VSNL1: variants seen among roughly 807,000 people sequenced by gnomAD.
VSNL1 encodes the protein visinin like 1, also known as visinin-like protein 1.
In VSNL1, 6 loss-of-function variants were observed where a neutral mutation model predicts 20.4. The observed-to-expected ratio is 0.29, with a 90% CI of 0.16 to 0.58. VSNL1 has a LOEUF of 0.58. Among genes scored for constraint, VSNL1 ranks in the 20% least tolerant of loss-of-function variants. The probability of loss-of-function intolerance (pLI) is 0.90; values close to 1 mark genes in which losing one functional copy is unlikely to be tolerated. For missense variants in VSNL1, 100 were observed against 234.5 expected (o/e 0.43, Z 3.75); for synonymous variants, 93 against 86.4 (o/e 1.08, Z -0.42).
At chr2:17,575,485 C>T (rs1295260962) in intron 1 of VSNL1, among the ~76,000 whole-genome samples, 2 of 152,116 alleles carry the variant, frequency 1.3e-5, no homozygotes, top group African/African-American at 4.8e-5. Flanking sequence ...TCAACCTTCT[C>T]AACCTTATAT....
intron 2 of VSNL1, among the ~76,000 whole-genome samples, chr2:17,637,024 C>T (rs912736906): frequency 2.0e-5 from 3 of 152,176 alleles, no homozygotes; most frequent in Non-Finnish European, 4.4e-5. Context: ...AGGTGCCATC[C>T]ATAGGCTGTC....
At chr2:17,651,389 G>A (rs546828517) in intron 3 of VSNL1, among the ~76,000 whole-genome samples, 26 of 152,232 alleles carry the variant, frequency 1.7e-4, no homozygotes, top group Non-Finnish European at 3.4e-4. Context: ...ATTGGTTACT[G>A]TCAGGGAGTG....
At chr2:17,619,710 T>C (rs952714016) in intron 2 of VSNL1, among the ~76,000 whole-genome samples, 1 of 152,132 alleles carries the variant, frequency 6.6e-6, no homozygotes, top group Non-Finnish European at 1.5e-5. Context: ...TCCCTCCTTG[T>C]GCTCCATCAT....
At chr2:17,606,440 C>T (rs146416135) in intron 2 of VSNL1, among the ~76,000 whole-genome samples, 199 of 152,318 alleles carry the variant, frequency 1.3e-3, no homozygotes, top group Non-Finnish European at 2.2e-3. Flanking sequence ...ACCTGCTTCA[C>T]CTGCTTCCCA....
At chr2:17,563,050 A>G (rs1020647630) in intron 1 of VSNL1, among the ~76,000 whole-genome samples, 8 of 152,212 alleles carry the variant, frequency 5.3e-5, no homozygotes, top group African/African-American at 1.9e-4. Flanking sequence ...AAGTATGAAT[A>G]GAGCCATTTC....
chr2:17,600,647 C>A (rs764206828), intron 2 of VSNL1, among the ~76,000 whole-genome samples: 1 of 152,182 alleles, frequency 6.6e-6, no homozygotes, highest in Non-Finnish European at 1.5e-5. Flanking sequence ...ATTAAAAATT[C>A]ATTGGGCAGA....
intron 2 of VSNL1, among the ~76,000 whole-genome samples, chr2:17,632,579 A>G (rs529917024): frequency 2.0e-4 from 31 of 152,286 alleles, no homozygotes; most frequent in East Asian, 7.7e-4. Flanking sequence ...GATTACAGGC[A>G]TGAGCCACTG....
Position 17,649,314 on chromosome 2 carries a change from G to A in VSNL1, c.163-96G>A, listed in dbSNP as rs553995586. The stretch of plus-strand genomic sequence containing the variant: ...CTCCAATGGGTGAGGCTCCGACAAC[G>A]CCCAGGAGCACCTGTGATGCCGTCA... On this transcript the variant is annotated intron_variant, in intron 2 of 3. Coordinates refer to ENST00000295156, the MANE Select transcript of VSNL1 (RefSeq NM_003385.5). The surrounding 1 kb of genome is among the most constrained non-coding windows in gnomAD (Gnocchi z 6.4). The A allele has an allele frequency of 1.3e-4, 166 of 1,245,094 alleles. No homozygotes were observed. The highest frequency in any genetic ancestry group is 1.9e-4 in the South Asian group (15 of 77,504). The allele number at this position is 1,245,094 out of a possible 1,614,324, so 77.1% of individuals were successfully genotyped here.
intron 2 of VSNL1, among the ~76,000 whole-genome samples, chr2:17,624,677 A>G (rs62133584): frequency 0.054 from 8,162 of 152,268 alleles, 257 homozygotes; most frequent in East Asian, 0.091. Context: ...GCAGCCTCTT[A>G]GAGCCAGAGA....
intron 3 of VSNL1, among the ~76,000 whole-genome samples, chr2:17,654,449 T>C (rs1312496662): frequency 2.6e-5 from 4 of 152,172 alleles, no homozygotes; most frequent in Non-Finnish European, 4.4e-5. Flanking sequence ...ACAATTCTTC[T>C]TTTCCTAAAT....
At chr2:17,596,459 C>T (rs572763879) in intron 2 of VSNL1, among the ~76,000 whole-genome samples, 6 of 152,244 alleles carry the variant, frequency 3.9e-5, no homozygotes, top group South Asian at 4.1e-4. Context: ...GAATTGGCCA[C>T]GGTTTAATGA....
chr2:17,592,160 A>G lies in VSNL1; in HGVS notation c.86A>G (p.Gln29Arg). The G allele has an allele frequency of 6.2e-7, 1 of 1,613,972 alleles. No homozygotes were observed. The highest frequency in any genetic ancestry group is 8.5e-7 in the Non-Finnish European group (1 of 1,179,852). Residue 29 changes from glutamine (Q) to arginine (R), a missense_variant, in exon 2 of 4, where the codon CAG (glutamine) becomes CGG (arginine). Transcript: ENST00000295156. ...GAGTTTAATGAGCATGAACTCAAGC[A>G]GTGGTACAAAGGATTTCTCAAGGAC... ...STEFNEHELK[Q>R]WYKGFLKDCP...
In VSNL1 at chr2:17,649,258, C is replaced by A. The variant is rs1266760171; in HGVS notation, c.163-152C>A. ...GTGAGAAAGCCTCCCCTAATGCCTG[C>A]CCTTGCCCTTGACAGTCAGGCCAAA... On this transcript the variant is annotated intron_variant, in intron 2 of 3. Transcript: ENST00000295156. The surrounding 1 kb of genome is among the most constrained non-coding windows in gnomAD (Gnocchi z 6.4). 2.4e-5 allele frequency: 17 copies of A among 698,226 alleles called. No homozygotes were observed. The Admixed American group carries it at 3.6e-4, about 15-fold the overall frequency. The allele number at this position is 698,226 out of a possible 1,614,324, so 43.3% of individuals were successfully genotyped here. A position where few individuals can be genotyped will look rare whatever the true frequency, so the allele number is the denominator to read the frequency against.
chr2:17,575,501 A>G (rs1421709990), intron 1 of VSNL1, among the ~76,000 whole-genome samples: 2 of 152,144 alleles, frequency 1.3e-5, no homozygotes, highest in Non-Finnish European at 2.9e-5. Context: ...TATATAGGGA[A>G]AATTAAGTAG....
At chr2:17,622,586 AAGAAAGAAAGAAAG>A (rs1665404349) in intron 2 of VSNL1, among the ~76,000 whole-genome samples, 1 of 140,700 alleles carries the variant, frequency 7.1e-6, no homozygotes, top group Non-Finnish European at 1.6e-5. Flanking sequence ...GAAAGAAAGA[AAGAAAGAAAGAAAG>A]AAAAGAAAGA....
intron 2 of VSNL1, among the ~76,000 whole-genome samples, chr2:17,599,930 A>T (rs1294471003): frequency 1.3e-5 from 2 of 152,154 alleles, no homozygotes; most frequent in Non-Finnish European, 2.9e-5. Context: ...CAGAATGCAC[A>T]TCATGTTGCT....
intron 2 of VSNL1, among the ~76,000 whole-genome samples, chr2:17,608,730 T>A (rs933563264): frequency 2.0e-5 from 3 of 152,142 alleles, no homozygotes; most frequent in African/African-American, 4.8e-5. Flanking sequence ...TGACAGAGAA[T>A]AATAATAATA....
At chr2:17,592,640 C>CTTTT (rs55756596) in intron 2 of VSNL1, among the ~76,000 whole-genome samples, 5 of 70,848 alleles carry the variant, frequency 7.1e-5, no homozygotes, top group African/African-American at 2.0e-4. Flanking sequence ...CTCTCTCTCT[C>CTTTT]TTTTTTTTTT....
chr2:17,599,900 C>T (rs1353696529), intron 2 of VSNL1, among the ~76,000 whole-genome samples: 1 of 152,142 alleles, frequency 6.6e-6, no homozygotes, highest in East Asian at 1.9e-4. Flanking sequence ...GGAGGTTCTC[C>T]AGTTTATCTT....
Sources: allele counts gnomAD v4.1 joint callset (sites outside exome capture counted in the v4.1 genomes callset), GRCh38; gene constraint gnomAD v4.1.1; non-coding constraint Gnocchi (gnomAD v3.1); transcripts MANE v1.5; gene names NCBI Gene and HGNC (gene_info 2026-07-23, HGNC 2026-07-21).